EYS: variants seen among roughly 807,000 people sequenced by gnomAD.
EYS encodes EGF-like photoreceptor maintenance factor.
A neutral mutation model predicts 282.1 loss-of-function variants in EYS; 250 were observed. The observed-to-expected ratio is 0.89, with a 90% CI of 0.80 to 0.98. The LOEUF (loss-of-function observed/expected upper bound fraction) is 0.98, where lower values mean the gene tolerates loss of function less well. EYS is among the 50% of genes least tolerant of loss of function. The pLI is 0.00. For missense variants in EYS, 4,016 were observed against 3,709.0 expected (o/e 1.08, Z -2.15); for synonymous variants, 1,355 against 1,282.9 (o/e 1.06, Z -1.20).
intron 22 of EYS, among the ~76,000 whole-genome samples, chr6:64,790,222 G>T (rs978477174): frequency 2.0e-4 from 30 of 151,900 alleles, no homozygotes; most frequent in African/African-American, 7.2e-4. Context: ...AGAAAGAAGA[G>T]AATAAGGTCT....
Position 65,433,554 on chromosome 6 carries a change from A to T in EYS, c.863-28187T>A, listed in dbSNP as rs114151328. Among the ~76,000 whole-genome samples the T allele has an allele frequency of 7.7e-3, 1,171 of 152,318 alleles. 16 individuals carry two copies. The highest frequency in any genetic ancestry group is 0.027 in the African/African-American group (1,113 of 41,572). ...CATGTCTAAACTCATTATATGAGAG[A>T]TGAAAGTAATAACACCCAGCCAAGT... On this transcript the variant is annotated intron_variant, in intron 5 of 42. Coordinates refer to ENST00000503581, the MANE Select transcript of EYS (RefSeq NM_001142800.2).
At chr6:65,311,136 G>A (rs1582129062) in intron 11 of EYS, among the ~76,000 whole-genome samples, 1 of 152,046 alleles carries the variant, frequency 6.6e-6, no homozygotes, top group Admixed American at 6.6e-5. Flanking sequence ...CCAAAAGGCC[G>A]AGAAGCGATA....
intron 1 of EYS, among the ~76,000 whole-genome samples, chr6:65,651,095 A>G (rs1388169844): frequency 6.6e-6 from 1 of 152,092 alleles, no homozygotes; most frequent in Non-Finnish European, 1.5e-5. Context: ...TCTAATGTCT[A>G]TTAAATTATA....
rs373441420 is a variant in EYS, at chr6:64,813,377, C to T, written c.3443+1G>A. ...TTACTTGTGGGTAAATAAATACTGA[C>T]CTGCAGTCAAAAGTATGTCCAGGCC... is the stretch of plus-strand genomic sequence containing the variant. On this transcript the variant is annotated splice_donor_variant, in intron 22 of 42. Transcript: ENST00000503581. LOFTEE classifies it high-confidence loss of function. 5.8e-6 allele frequency: 9 copies of T among 1,538,762 alleles called. No individual in the cohort carries two copies. Among genetic ancestry groups the T allele is most frequent in the Admixed American group, 4.1e-5 (2 of 49,212 alleles).
At chr6:65,618,729 T>C (rs1201393356) in intron 2 of EYS, among the ~76,000 whole-genome samples, 3 of 152,236 alleles carry the variant, frequency 2.0e-5, no homozygotes, top group Non-Finnish European at 2.9e-5. Context: ...TTGATTTTTA[T>C]ATAAGGTGTA....
intron 26 of EYS, among the ~76,000 whole-genome samples, chr6:64,506,644 G>T (rs183709988): frequency 6.6e-6 from 1 of 152,086 alleles, no homozygotes. Flanking sequence ...CGGGCATGGT[G>T]GCCCACGCAT....
At chr6:64,256,164 C>A (rs1767393645) in intron 30 of EYS, among the ~76,000 whole-genome samples, 1 of 151,910 alleles carries the variant, frequency 6.6e-6, no homozygotes, top group Non-Finnish European at 1.5e-5. Flanking sequence ...AATTGAGTAT[C>A]TGTCAATATG....
At chr6:65,654,006 A>G (rs1299529178) in intron 1 of EYS, among the ~76,000 whole-genome samples, 2 of 151,936 alleles carry the variant, frequency 1.3e-5, no homozygotes, top group African/African-American at 4.8e-5. Context: ...ACAGTCCTTC[A>G]TACTGAAGAA....
At chr6:64,561,493 C>T (rs761048011) in intron 26 of EYS, among the ~76,000 whole-genome samples, 5 of 151,996 alleles carry the variant, frequency 3.3e-5, no homozygotes, top group Non-Finnish European at 5.9e-5. Context: ...GATACAAAAT[C>T]GATGTACAAA....
intron 5 of EYS, among the ~76,000 whole-genome samples, chr6:65,450,480 T>A (rs1764360165): frequency 6.6e-6 from 1 of 152,182 alleles, no homozygotes. Context: ...AAAGTAGTCC[T>A]GACAGAGGTA....
Position 64,901,294 on chromosome 6 carries a change from G to GTATA in EYS, c.2846+815_2846+818dup, listed in dbSNP as rs70999177. Among the ~76,000 whole-genome samples, 331 of 127,738 alleles carry GTATA rather than the reference G, an allele frequency of 2.6e-3. 7 individuals are homozygous for GTATA. In the East Asian group the frequency reaches 0.031, roughly 12 times the overall value. The allele number at this position is 127,738 out of a possible 152,430, so 83.8% of individuals were successfully genotyped here. ...TTAGGAGAAATACCTATGTAGTTGAGTATATATATATATATATATATAGGC... is the reference window on the plus strand; with the variant it reads ...TTAGGAGAAATACCTATGTAGTTGAGTATATATATATATATATATATATATAGGC... On this transcript the variant is annotated intron_variant, in intron 18 of 42. Coordinates refer to ENST00000503581, the MANE Select transcript of EYS (RefSeq NM_001142800.2).
chr6:64,258,796 A>C (rs910262574), intron 30 of EYS, among the ~76,000 whole-genome samples: 1 of 77,878 alleles, frequency 1.3e-5, no homozygotes, highest in African/African-American at 4.8e-5. Context: ...CTTCCTTTAC[A>C]GTTTTTTTTC....
At chr6:65,317,095 G>A (rs1453372467) in intron 11 of EYS, among the ~76,000 whole-genome samples, 1 of 152,046 alleles carries the variant, frequency 6.6e-6, no homozygotes, top group Non-Finnish European at 1.5e-5. Flanking sequence ...ATTAGGATAT[G>A]CTATCAATTT....
intron 2 of EYS, among the ~76,000 whole-genome samples, chr6:65,603,604 A>G (rs946167218): frequency 6.6e-6 from 1 of 151,958 alleles, no homozygotes; most frequent in Non-Finnish European, 1.5e-5. Flanking sequence ...TTTATAATAC[A>G]TATCACACTG....
chr6:65,646,060 C>T (rs562131351), intron 1 of EYS, among the ~76,000 whole-genome samples: 29 of 152,146 alleles, frequency 1.9e-4, no homozygotes, highest in African/African-American at 6.0e-4. Flanking sequence ...AAAAAAAGTG[C>T]GGAATCAGAT....
intron 26 of EYS, among the ~76,000 whole-genome samples, chr6:64,586,222 G>A (rs533467456): frequency 2.0e-5 from 3 of 152,042 alleles, no homozygotes; most frequent in South Asian, 2.1e-4. Flanking sequence ...TTCCACATGA[G>A]GACACCTCAT....
intron 24 of EYS, among the ~76,000 whole-genome samples, chr6:64,597,410 G>A (rs928875976): frequency 2.0e-5 from 3 of 152,088 alleles, no homozygotes; most frequent in African/African-American, 7.2e-5. Flanking sequence ...AAAGATACAT[G>A]TATTTATATG....
chr6:65,135,556 G>T (rs1356284260), intron 12 of EYS, among the ~76,000 whole-genome samples: 1 of 151,864 alleles, frequency 6.6e-6, no homozygotes, highest in African/African-American at 2.4e-5. Context: ...TATAAATATA[G>T]ATTAAAAAAT....
At chr6:63,880,364 A>G (rs1291115027) in intron 35 of EYS, among the ~76,000 whole-genome samples, 3 of 151,664 alleles carry the variant, frequency 2.0e-5, no homozygotes, top group African/African-American at 7.3e-5. Context: ...TAAGACTTGG[A>G]CTGCCTCTCC....
Sources: gnomAD v4.1 joint callset for allele counts (sites outside exome capture counted in the v4.1 genomes callset) on GRCh38, gnomAD v4.1.1 for gene constraint, MANE v1.5 for transcripts, NCBI Gene and HGNC (gene_info 2026-07-23, HGNC 2026-07-21) for gene names.